CYTH1: variants seen among roughly 807,000 people sequenced by gnomAD.
The protein encoded by CYTH1 is cytohesin-1.
Under a neutral mutation model 61.8 loss-of-function variants are expected in CYTH1, and 18 were observed. That is an observed-to-expected ratio of 0.29 (90% confidence interval 0.20 to 0.43). CYTH1 has a LOEUF of 0.43. Ranked by LOEUF, CYTH1 falls within the 20% of genes least tolerant of loss-of-function variation. The pLI, the probability that CYTH1 is intolerant of heterozygous loss-of-function variation, is 1.00. For synonymous variants in CYTH1, 174 were observed against 184.3 expected, an observed-to-expected ratio of 0.94 and a Z score of 0.45; for missense variants, 336 against 510.5, an observed-to-expected ratio of 0.66 and a Z score of 3.29.
rs183521365 is a variant in CYTH1 at position 78,703,386 on chromosome 17, G to A, written c.171-782C>T. 3.1e-3 allele frequency among the ~76,000 whole-genome samples: 441 copies of A among 141,086 alleles called. 3 individuals carry two copies. The highest frequency in any genetic ancestry group is 5.5e-3 in the Admixed American group (76 of 13,874). 92.6% of individuals were successfully genotyped at this position (141,086 alleles called of 152,430 possible). On this transcript the variant is annotated intron_variant, in intron 3 of 13. Coordinates refer to ENST00000446868, the MANE Select transcript of CYTH1 (RefSeq NM_004762.6). Reference sequence around the variant, plus strand: ...GAGATCCACCACTGCACTCTAGCCCGGGTGACAGAGTGAGACTCCGTCTCC... The same window carrying A: ...GAGATCCACCACTGCACTCTAGCCCAGGTGACAGAGTGAGACTCCGTCTCC...
chr17:78,759,908 C>A lies in CYTH1; in HGVS notation c.22+22294G>T, dbSNP rs371020848. The stretch of plus-strand genomic sequence containing the variant: ...AGGTTCTGAAGCGTGAGTTTCCACA[C>A]CTGGGGTCCCCAAATTTAGGGGCAT... On this transcript the variant is annotated intron_variant, in intron 1 of 13. Coordinates refer to ENST00000446868, the MANE Select transcript of CYTH1 (RefSeq NM_004762.6). Among the ~76,000 whole-genome samples the A allele has an allele frequency of 2.9e-4, 44 of 152,296 alleles. No individual in the cohort carries two copies. In the South Asian group the frequency reaches 6.6e-3, roughly 23 times the overall value.
At chr17:78,708,033 G>A (rs796846050) in intron 3 of CYTH1, among the ~76,000 whole-genome samples, 164 bp downstream of exon 3, 10 of 152,278 alleles carry the variant, frequency 6.6e-5, no homozygotes, top group Non-Finnish European at 1.2e-4. Context: ...GAGGCCTTGC[G>A]GTGAAGGATG....
intron 9 of CYTH1, 61 bp downstream of exon 9, chr17:78,698,208 C>G (rs2092966281): frequency 7.1e-7 from 1 of 1,402,628 alleles, no homozygotes. Context: ...CACACACGCA[C>G]ACACACCGCC....
At chr17:78,706,166 C>T (rs1461849462) in intron 3 of CYTH1, among the ~76,000 whole-genome samples, 1 of 152,044 alleles carries the variant, frequency 6.6e-6, no homozygotes, top group African/African-American at 2.4e-5. Flanking sequence ...TAACAAAATG[C>T]ACACACCTTA....
intron 1 of CYTH1, among the ~76,000 whole-genome samples, chr17:78,738,072 CACGT>C (rs1418451534): frequency 6.6e-6 from 1 of 152,160 alleles, no homozygotes; most frequent in Non-Finnish European, 1.5e-5. Context: ...TATCTCAATA[CACGT>C]GTGCACACGT....
rs1428266512 is a variant in CYTH1 at position 78,702,679 on chromosome 17, C to A, written c.171-75G>T. Reference sequence around the variant, plus strand: ...GCTTGAAAGACTAATATGATTTCCACTGATTTACACAGGTTTTTGAAAGAT... The same window carrying A: ...GCTTGAAAGACTAATATGATTTCCAATGATTTACACAGGTTTTTGAAAGAT... On this transcript the variant is annotated intron_variant, in intron 3 of 13. Coordinates refer to ENST00000446868, the MANE Select transcript of CYTH1 (RefSeq NM_004762.6). The A allele has an allele frequency of 5.5e-6, 8 of 1,445,376 alleles. No homozygotes were observed. The African/African-American group carries it at 9.8e-5, about 18-fold the overall frequency. 89.5% of individuals were successfully genotyped at this position (1,445,376 alleles called of 1,614,324 possible).
At chr17:78,775,145 G>A (rs1598931529) in intron 1 of CYTH1, among the ~76,000 whole-genome samples, 1 of 152,184 alleles carries the variant, frequency 6.6e-6, no homozygotes, top group South Asian at 2.1e-4. Flanking sequence ...GTCCTCCTGA[G>A]GTCCCTCTGT....
intron 1 of CYTH1, among the ~76,000 whole-genome samples, chr17:78,761,859 A>C (rs2093430263): frequency 6.6e-6 from 1 of 152,240 alleles, no homozygotes; most frequent in Non-Finnish European, 1.5e-5. Context: ...CAAGAGCAGG[A>C]AAGGGAAAGA....
chr17:78,721,418 T>C (rs970463980), intron 1 of CYTH1, among the ~76,000 whole-genome samples: 2 of 152,384 alleles, frequency 1.3e-5, no homozygotes, highest in Non-Finnish European at 1.5e-5. Flanking sequence ...GTATTCAACA[T>C]AGAGGCAGAG....
chr17:78,709,013 T>C (rs2093098843), intron 2 of CYTH1: 1 of 152,332 alleles, frequency 6.6e-6, no homozygotes, highest in South Asian at 2.1e-4. Context: ...TAACATTTGC[T>C]GTCTTAGGGC....
At chr17:78,720,055 T>C (rs1222294716) in intron 1 of CYTH1, among the ~76,000 whole-genome samples, 1 of 152,084 alleles carries the variant, frequency 6.6e-6, no homozygotes, top group Non-Finnish European at 1.5e-5. Flanking sequence ...CAAACTACCA[T>C]AGAGACAGAC....
Position 78,675,845 on chromosome 17 carries a change from C to G in CYTH1, c.*246G>C. On this transcript the variant is annotated 3_prime_UTR_variant, in exon 14 of 14. Transcript: ENST00000446868. Reference sequence around the variant, plus strand: ...CAGGAGGCTGCCCTGCCGACAAGAGCTCTGCCCTGTGAGAGAGGAAGGCTC... The same window carrying G: ...CAGGAGGCTGCCCTGCCGACAAGAGGTCTGCCCTGTGAGAGAGGAAGGCTC... The G allele has an allele frequency of 6.9e-7, 1 of 1,451,612 alleles. No homozygotes were observed. Among genetic ancestry groups the G allele is most frequent in the East Asian group, 2.5e-5 (1 of 39,884 alleles). 89.9% of individuals were successfully genotyped at this position (1,451,612 alleles called of 1,614,324 possible).
At chr17:78,756,825 TA>T (rs148235103) in intron 1 of CYTH1, among the ~76,000 whole-genome samples, 309 of 140,330 alleles carry the variant, frequency 2.2e-3, no homozygotes, top group Admixed American at 2.3e-3. Flanking sequence ...AGATCTCATT[TA>T]AAAAAAAAAA....
chr17:78,761,183 T>C (rs931257247), intron 1 of CYTH1, among the ~76,000 whole-genome samples: 7 of 152,156 alleles, frequency 4.6e-5, no homozygotes, highest in African/African-American at 1.7e-4. Flanking sequence ...TAAACACCCT[T>C]GTGCACACAT....
intron 1 of CYTH1, among the ~76,000 whole-genome samples, chr17:78,768,299 C>T (rs1263868753): frequency 3.9e-5 from 6 of 152,110 alleles, no homozygotes; most frequent in Non-Finnish European, 7.4e-5. Flanking sequence ...TATTCCAAGA[C>T]GACATCCTTG....
intron 6 of CYTH1, among the ~76,000 whole-genome samples, chr17:78,701,410 C>T (rs1182286054): frequency 1.3e-5 from 2 of 152,082 alleles, no homozygotes; most frequent in African/African-American, 4.8e-5. Context: ...TTTAAGTATT[C>T]ATCAATTTCT....
intron 1 of CYTH1, among the ~76,000 whole-genome samples, chr17:78,739,351 C>T (rs753184046): frequency 3.9e-5 from 6 of 152,206 alleles, no homozygotes; most frequent in Non-Finnish European, 5.9e-5. Flanking sequence ...GCCCTCGTGG[C>T]GTCTCCACTC....
intron 1 of CYTH1, among the ~76,000 whole-genome samples, chr17:78,730,375 AAAAAAAAAAAAAAAT>A: frequency 6.7e-6 from 1 of 149,426 alleles, no homozygotes; most frequent in Non-Finnish European, 1.5e-5. Flanking sequence ...AATACAAAAA[AAAAAAAAAAAAAAAT>A]TAGCCGGGCA....
At chr17:78,698,464 A>G in intron 8 of CYTH1, 84 bp from the exon 9 acceptor site, 1 of 1,129,892 alleles carries the variant, frequency 8.9e-7, no homozygotes. Flanking sequence ...TTCCACAAGC[A>G]TTCATGTGCC....
Sources: allele counts gnomAD v4.1 joint callset (sites outside exome capture counted in the v4.1 genomes callset), GRCh38; gene constraint gnomAD v4.1.1; transcripts MANE v1.5; gene names NCBI Gene and HGNC (gene_info 2026-07-23, HGNC 2026-07-21).